CSMD2: variants seen among roughly 807,000 people sequenced by gnomAD.
CSMD2 encodes CUB and Sushi multiple domains 2.
CSMD2 carries 130 observed loss-of-function variants against 398.5 expected under a neutral mutation model. The ratio of observed to expected loss-of-function variants is 0.33; its 90% confidence interval spans 0.28 to 0.38. The LOEUF (loss-of-function observed/expected upper bound fraction) is 0.38. Ranked by LOEUF, CSMD2 falls within the 10% of genes least tolerant of loss-of-function variation. The pLI is 1.00. For missense variants in CSMD2, 3,829 were observed against 4,764.9 expected (o/e 0.80, Z 5.78); for synonymous variants, 1,828 against 1,908.5 (o/e 0.96, Z 1.10).
In CSMD2 at chr1:33,521,552, T is replaced by C; in HGVS notation, c.10510-2A>G. On this transcript the variant is annotated splice_acceptor_variant, in intron 67 of 70. Transcript: ENST00000373381. LOFTEE classifies it high-confidence loss of function. ...GGCTCCGGAGGACTCTGACGAGACC[T>C]GTGATGGTGGGGAGCACAGAGAGCA... 1 of 1,598,922 alleles carries C rather than the reference T, an allele frequency of 6.3e-7. No homozygotes were observed. The highest frequency in any genetic ancestry group is 8.6e-7 in the Non-Finnish European group (1 of 1,166,160).
At chr1:33,712,434 C>T (rs899443901) in intron 21 of CSMD2, among the ~76,000 whole-genome samples, 7 of 152,200 alleles carry the variant, frequency 4.6e-5, no homozygotes, top group African/African-American at 7.2e-5. Context: ...ATTTGCATGG[C>T]GACTGGGAGC....
chr1:33,856,148 T>G (rs1639071377), intron 5 of CSMD2, among the ~76,000 whole-genome samples: 1 of 152,202 alleles, frequency 6.6e-6, no homozygotes, highest in Admixed American at 6.5e-5. Flanking sequence ...AAATGTGAAC[T>G]ATTTTCCCCC....
chr1:33,744,204 T>C (rs1392493994), intron 13 of CSMD2, among the ~76,000 whole-genome samples: 1 of 152,126 alleles, frequency 6.6e-6, no homozygotes, highest in Non-Finnish European at 1.5e-5. Flanking sequence ...TTTACAGCAG[T>C]AGGAAAGGAC....
chr1:33,527,464 C>T (rs557367505), intron 64 of CSMD2, among the ~76,000 whole-genome samples: 1 of 152,244 alleles, frequency 6.6e-6, no homozygotes, highest in African/African-American at 2.4e-5. Flanking sequence ...CAAAGAATTA[C>T]AGAGGAAGTC....
In CSMD2 at chr1:33,559,899, C is replaced by T. The variant is rs1658386386; in HGVS notation, c.8381-426G>A. On this transcript the variant is annotated intron_variant, in intron 53 of 70. Coordinates refer to ENST00000373381, the MANE Select transcript of CSMD2 (RefSeq NM_001281956.2). The surrounding 1 kb of genome is among the most constrained non-coding windows in gnomAD (Gnocchi z 4.0). ...CTTGTAGAACCAGAGTGAATACTAA[C>T]CAAGACTGGTGCAGAGTTCAGTCAC... Among the ~76,000 whole-genome samples, 1 of 152,140 alleles carries T rather than the reference C, an allele frequency of 6.6e-6. No individual in the cohort carries two copies. Among genetic ancestry groups the T allele is most frequent in the African/African-American group, 2.4e-5 (1 of 41,422 alleles).
At chr1:33,716,251 G>T in intron 20 of CSMD2, 35 bp downstream of exon 20, 1 of 1,536,614 alleles carries the variant, frequency 6.5e-7, no homozygotes, top group Non-Finnish European at 9.0e-7. Context: ...ATAGCACCAT[G>T]GTCTCTTCCC....
At chr1:33,809,084 G>A (rs181213035) in intron 10 of CSMD2, among the ~76,000 whole-genome samples, 1 of 151,958 alleles carries the variant, frequency 6.6e-6, no homozygotes, top group African/African-American at 2.4e-5. Flanking sequence ...TAGTTTTGCT[G>A]AAAAATTCTA....
chr1:33,740,131 G>GCA (rs1327264325), intron 14 of CSMD2, among the ~76,000 whole-genome samples: 2 of 152,164 alleles, frequency 1.3e-5, no homozygotes, highest in Non-Finnish European at 2.9e-5. Flanking sequence ...GTTCGGTGCG[G>GCA]CACGTGACAG....
Position 33,573,290 on chromosome 1 carries a change from T to C in CSMD2, c.7577-599A>G, listed in dbSNP as rs1221934144. On this transcript the variant is annotated intron_variant, in intron 49 of 70. Transcript: ENST00000373381. The stretch of plus-strand genomic sequence containing the variant: ...ATAGCTGGAAAAATCAACCTGGCCC[T>C]TACTTTTAAAATACGATCAAGGATC... Among the ~76,000 whole-genome samples, 7 of 152,274 alleles carry C rather than the reference T, an allele frequency of 4.6e-5. No homozygotes were observed. The East Asian group carries it at 1.3e-3, about 29-fold the overall frequency.
chr1:33,976,269 C>T (rs1354949906), intron 3 of CSMD2, among the ~76,000 whole-genome samples: 1 of 152,172 alleles, frequency 6.6e-6, no homozygotes, highest in African/African-American at 2.4e-5. Flanking sequence ...TCAGGGGCAG[C>T]AGATGATTGA....
intron 7 of CSMD2, 22 bp from the exon 8 acceptor site, chr1:33,820,578 A>AC: frequency 2.4e-5 from 29 of 1,185,416 alleles, no homozygotes; most frequent in African/African-American, 1.9e-4. Flanking sequence ...AAAAAAAAAA[A>AC]AAAAAAAAAA....
intron 4 of CSMD2, among the ~76,000 whole-genome samples, chr1:33,920,265 A>G (rs1643890365): frequency 1.3e-5 from 2 of 151,972 alleles, no homozygotes; most frequent in Non-Finnish European, 2.9e-5. Context: ...GCAGTGGCTC[A>G]TGCCTGTAAT....
intron 62 of CSMD2, among the ~76,000 whole-genome samples, chr1:33,534,453 T>G (rs1281622506): frequency 6.6e-6 from 1 of 152,204 alleles, no homozygotes; most frequent in African/African-American, 2.4e-5. Context: ...TAGAATCTGT[T>G]GAACGAACTG....
chr1:33,605,145 A>C (rs1640502285), intron 42 of CSMD2, 137 bp downstream of exon 42: 1 of 836,638 alleles, frequency 1.2e-6, no homozygotes, highest in Admixed American at 2.6e-5. Context: ...ACCATGTGAA[A>C]ACAGGATGGA....
chr1:33,983,364 C>T (rs1340164372), intron 3 of CSMD2, among the ~76,000 whole-genome samples: 3 of 152,186 alleles, frequency 2.0e-5, no homozygotes, highest in African/African-American at 7.2e-5. Flanking sequence ...CTTGGGGCAT[C>T]TCTCTACTTG....
intron 2 of CSMD2, among the ~76,000 whole-genome samples, chr1:34,049,797 T>C (rs1652970055): frequency 1.3e-5 from 2 of 152,212 alleles, no homozygotes; most frequent in Non-Finnish European, 2.9e-5. Context: ...CCTGGATGGC[T>C]TAGGTAATGG....
intron 6 of CSMD2, among the ~76,000 whole-genome samples, chr1:33,829,342 T>A (rs77718502): frequency 6.7e-6 from 1 of 150,326 alleles, no homozygotes; most frequent in Non-Finnish European, 1.5e-5. Flanking sequence ...AACATTAGCA[T>A]TTTTTTTTAG....
chr1:33,692,500 T>C (rs1415048004), intron 25 of CSMD2, among the ~76,000 whole-genome samples: 1 of 152,222 alleles, frequency 6.6e-6, no homozygotes, highest in African/African-American at 2.4e-5. Context: ...TTTCACTATG[T>C]TCCAAATACT....
At chr1:33,707,451 T>C (rs1294455792) in intron 22 of CSMD2, among the ~76,000 whole-genome samples, 1 of 152,174 alleles carries the variant, frequency 6.6e-6, no homozygotes, top group Non-Finnish European at 1.5e-5. Flanking sequence ...GGGTGATGCC[T>C]AAAGACATGG....
Sources: allele counts gnomAD v4.1 joint callset (sites outside exome capture counted in the v4.1 genomes callset), GRCh38; gene constraint gnomAD v4.1.1; non-coding constraint Gnocchi (gnomAD v3.1); transcripts MANE v1.5; gene names NCBI Gene and HGNC (gene_info 2026-07-23, HGNC 2026-07-21).